SLC8A2: variants seen among roughly 807,000 people sequenced by gnomAD.
The protein encoded by SLC8A2 is sodium/calcium exchanger 2.
Under a neutral mutation model 70.2 loss-of-function variants are expected in SLC8A2, and 14 were observed. The observed-to-expected ratio is 0.20, with a 90% CI of 0.13 to 0.31. The LOEUF (loss-of-function observed/expected upper bound fraction) is 0.31. Among genes scored for constraint, SLC8A2 ranks in the 10% least tolerant of loss-of-function variants. SLC8A2 has a pLI of 1.00. For synonymous variants in SLC8A2, 575 were observed against 594.3 expected, an observed-to-expected ratio of 0.97 and a Z score of 0.47; for missense variants, 779 against 1,320.1, an observed-to-expected ratio of 0.59 and a Z score of 6.35.
At position 47,466,693 on chromosome 19, in the gene SLC8A2, G is replaced by A. The variant is rs982155876; in HGVS notation, c.-16-274C>T. On this transcript the variant is annotated intron_variant, in intron 1 of 9. Coordinates refer to ENST00000236877, the MANE Select transcript of SLC8A2 (RefSeq NM_015063.3). This position sits in a 1 kb window ranked among gnomAD's most constrained non-coding sequence, Gnocchi z 6.9. ...TTGGGCAACTACAGCCGAACACCAC[G>A]TATCATGCAATTCAGCAGTTTTGTT... Among the ~76,000 whole-genome samples the A allele has an allele frequency of 5.3e-5, 8 of 152,124 alleles. No homozygotes were observed. Among genetic ancestry groups the A allele is most frequent in the Admixed American group, 1.3e-4 (2 of 15,282 alleles).
At chr19:47,452,392 T>G (rs1967246052) in intron 3 of SLC8A2, among the ~76,000 whole-genome samples, 1 of 133,182 alleles carries the variant, frequency 7.5e-6, no homozygotes, top group Non-Finnish European at 1.6e-5. Context: ...TATATATATA[T>G]ATATGGAGAG....
chr19:47,459,836 G>A (rs1476023933), intron 2 of SLC8A2, among the ~76,000 whole-genome samples: 3 of 152,026 alleles, frequency 2.0e-5, no homozygotes, highest in Admixed American at 6.6e-5. Context: ...TTCTCTCCTA[G>A]TCTCTTCATC....
rs116272658 is a variant in SLC8A2, at chr19:47,438,700, C to T, written c.1886-727G>A. On this transcript the variant is annotated intron_variant, in intron 6 of 9. Transcript: ENST00000236877. ...GCCTGTCATCAACACTGACTCCAAACCCCAACCCTCAGCCCTGGATCTGAC... is the reference window on the plus strand; with the variant it reads ...GCCTGTCATCAACACTGACTCCAAATCCCAACCCTCAGCCCTGGATCTGAC... Among the ~76,000 whole-genome samples the T allele has an allele frequency of 6.1e-3, 932 of 152,284 alleles. 3 individuals are homozygous for T. The highest frequency in any genetic ancestry group is 0.022 in the African/African-American group (900 of 41,556).
At chr19:47,457,739 C>G (rs12978188) in intron 2 of SLC8A2, 145 bp from the exon 3 acceptor site, 2 of 421,796 alleles carry the variant, frequency 4.7e-6, no homozygotes, top group Non-Finnish European at 8.2e-6. Context: ...CTATCCCTTT[C>G]TGTTTCTTTT....
In SLC8A2 at chr19:47,430,041, A is replaced by T; in HGVS notation, c.*48T>A. ...CAGGGTCCAAGAGCAGGTGCAGCCGAGTCCCTAGCCCCGGGCGGGCGGTGG... is the reference window on the plus strand; with the variant it reads ...CAGGGTCCAAGAGCAGGTGCAGCCGTGTCCCTAGCCCCGGGCGGGCGGTGG... On this transcript the variant is annotated 3_prime_UTR_variant, in exon 10 of 10. Transcript: ENST00000236877. This position sits in a 1 kb window ranked among gnomAD's most constrained non-coding sequence, Gnocchi z 5.9. The T allele has an allele frequency of 6.5e-7, 1 of 1,529,644 alleles. No homozygotes were observed. The highest frequency in any genetic ancestry group is 2.4e-5 in the East Asian group (1 of 41,340). The allele number at this position is 1,529,644 out of a possible 1,614,324, so 94.8% of individuals were successfully genotyped here.
rs938386015 is a variant in SLC8A2 at position 47,447,946 on chromosome 19, G to T, written c.1626C>A (p.Asp542Glu). Residue 542 changes from aspartate (D) to glutamate (E), a missense_variant, in exon 4 of 10, where the codon GAC becomes GAA. Asp to Glu is a conservative substitution (Grantham distance 45). This residue lies in a region of SLC8A2 where 247 missense variants were observed against 362.8 expected (regional missense o/e 0.68). Transcript: ENST00000236877. This position sits in a 1 kb window ranked among gnomAD's most constrained non-coding sequence, Gnocchi z 5.1. ...CGCCCGAGCTGCGCACGACGCGCAC[G>T]TCCACGGTGCCCATGCACTCGCTCA... is the stretch of plus-strand genomic sequence containing the variant. ...LHVSECMGTV[D>E]VRVVRSSGAR... is the part of the protein sequence containing the mutation. 3 of 1,562,188 alleles carry T rather than the reference G, an allele frequency of 1.9e-6. No homozygotes were observed. The highest frequency in any genetic ancestry group is 3.8e-5 in the Admixed American group (2 of 52,522).
Position 47,457,584 on chromosome 19 carries a change from G to A in SLC8A2, c.686C>T (p.Ala229Val). ...FSPGVVQVWE[A>V]LLTLVFFPVC... Reference sequence around the variant, plus strand: ...CGGGAAGAAGACCAGGGTCAGCAGCGCCTCCCACACCTGCGGGCGGCGGGC... The same window carrying A: ...CGGGAAGAAGACCAGGGTCAGCAGCACCTCCCACACCTGCGGGCGGCGGGC... Residue 229 changes from alanine (A) to valine (V), a missense_variant, in exon 3 of 10, where the codon GCG (alanine) becomes GTG (valine). Ala to Val is a moderately conservative substitution (Grantham distance 64, BLOSUM62 0). Coordinates refer to ENST00000236877, the MANE Select transcript of SLC8A2 (RefSeq NM_015063.3). 1 of 1,561,466 alleles carries A rather than the reference G, an allele frequency of 6.4e-7. No homozygotes were observed. Among genetic ancestry groups the A allele is most frequent in the Non-Finnish European group, 8.7e-7 (1 of 1,154,162 alleles).
chr19:47,453,879 TGC>T (rs1967273520), intron 3 of SLC8A2, among the ~76,000 whole-genome samples: 1 of 152,086 alleles, frequency 6.6e-6, no homozygotes, highest in South Asian at 2.1e-4. Context: ...GAGCCATGAT[TGC>T]GCCACTGTGC....
At chr19:47,458,902 TCTC>T (rs1433283240) in intron 2 of SLC8A2, among the ~76,000 whole-genome samples, 3 of 147,024 alleles carry the variant, frequency 2.0e-5, no homozygotes, top group African/African-American at 7.6e-5. Context: ...CATCTCTCTC[TCTC>T]CTTTCTCCCA....
chr19:47,461,178 G>A (rs1414903089), intron 2 of SLC8A2, among the ~76,000 whole-genome samples: 1 of 147,198 alleles, frequency 6.8e-6, no homozygotes, highest in African/African-American at 2.5e-5. Flanking sequence ...GACCGAGCGA[G>A]ACTCTGTTTC....
chr19:47,461,994 C>T (rs930974496), intron 2 of SLC8A2, among the ~76,000 whole-genome samples: 1 of 152,182 alleles, frequency 6.6e-6, no homozygotes, highest in Non-Finnish European at 1.5e-5. Flanking sequence ...GGGAGGGGGA[C>T]ATGGTCTTGG....
chr19:47,450,096 G>A (rs1443637850), intron 3 of SLC8A2, among the ~76,000 whole-genome samples: 1 of 152,136 alleles, frequency 6.6e-6, no homozygotes. Flanking sequence ...ACATCAGCGT[G>A]ACTCTGGGAT....
chr19:47,435,136 G>A (rs1458396438), intron 8 of SLC8A2, among the ~76,000 whole-genome samples: 4 of 151,864 alleles, frequency 2.6e-5, no homozygotes, highest in African/African-American at 9.7e-5. Flanking sequence ...TTGAACCCAG[G>A]AGGAGGAGGC....
At position 47,430,822 on chromosome 19, in the gene SLC8A2, G is replaced by A. The variant is rs1966948200; in HGVS notation, c.2390-357C>T. 6.6e-6 allele frequency among the ~76,000 whole-genome samples: 1 copy of A among 152,050 alleles called. No individual in the cohort carries two copies. Among genetic ancestry groups the A allele is most frequent in the African/African-American group, 2.4e-5 (1 of 41,386 alleles). ...GCTCACTGCAACTTCCGCCTCCCAG[G>A]TTCAAGCGATTCTCTTGCCGGAGCC... On this transcript the variant is annotated intron_variant, in intron 9 of 9. Coordinates refer to ENST00000236877, the MANE Select transcript of SLC8A2 (RefSeq NM_015063.3). This position sits in a 1 kb window ranked among gnomAD's most constrained non-coding sequence, Gnocchi z 5.9.
Position 47,432,182 on chromosome 19 carries a change from C to A in SLC8A2, c.2374G>T (p.Gly792Cys). The A allele has an allele frequency of 6.2e-7, 1 of 1,610,880 alleles. No individual in the cohort carries two copies. The highest frequency in any genetic ancestry group is 2.2e-5 in the East Asian group (1 of 44,838). The change falls in exon 9 of 10, where the codon GGC (glycine) becomes TGC (cysteine). Residue 792 changes from glycine to cysteine, a missense_variant. Gly to Cys is a radical substitution (Grantham distance 159). Coordinates refer to ENST00000236877, the MANE Select transcript of SLC8A2 (RefSeq NM_015063.3). This position sits in a 1 kb window ranked among gnomAD's most constrained non-coding sequence, Gnocchi z 6.2. ...SVNAVVFVALGTSIPDTFASK... is the reference protein window; with the variant it reads ...SVNAVVFVALCTSIPDTFASK... ...AGGGTGTTACCAGGGATGGAGGTGCCCAGGGCAACGAAGACAACAGCATTG... is the reference window on the plus strand; with the variant it reads ...AGGGTGTTACCAGGGATGGAGGTGCACAGGGCAACGAAGACAACAGCATTG...
chr19:47,455,377 T>C (rs940835574), intron 3 of SLC8A2, among the ~76,000 whole-genome samples: 1 of 152,194 alleles, frequency 6.6e-6, no homozygotes, highest in African/African-American at 2.4e-5. Flanking sequence ...TCCTGATTTA[T>C]TTTTCTTCAC....
At chr19:47,464,917 G>A (rs1967439140) in intron 2 of SLC8A2, among the ~76,000 whole-genome samples, 1 of 152,214 alleles carries the variant, frequency 6.6e-6, no homozygotes, top group African/African-American at 2.4e-5. Flanking sequence ...AAAGGCTAAT[G>A]ATTATGAGAA....
chr19:47,453,764 C>A (rs1967272073), intron 3 of SLC8A2, among the ~76,000 whole-genome samples: 1 of 152,072 alleles, frequency 6.6e-6, no homozygotes, highest in African/African-American at 2.4e-5. Context: ...ACAACAACAA[C>A]AACAAAAACA....
intron 6 of SLC8A2, among the ~76,000 whole-genome samples, chr19:47,440,652 C>T (rs570211315): frequency 1.9e-4 from 29 of 152,002 alleles, no homozygotes; most frequent in East Asian, 1.9e-4. Flanking sequence ...AGTGCAATGG[C>T]GCGATCTCGG....
Sources: allele counts gnomAD v4.1 joint callset (sites outside exome capture counted in the v4.1 genomes callset), GRCh38; gene constraint gnomAD v4.1.1; regional missense constraint gnomAD v4.1.1; non-coding constraint Gnocchi (gnomAD v3.1); transcripts MANE v1.5; gene names NCBI Gene and HGNC (gene_info 2026-07-23, HGNC 2026-07-21).